The following RMI1 variants were observed in gnomAD, a reference collection of about 807,000 sequenced individuals.
RMI1 encodes RecQ mediated genome instability 1, also known as recQ-mediated genome instability protein 1.
Under a neutral mutation model 46.7 loss-of-function variants are expected in RMI1, and 36 were observed. The observed-to-expected ratio is 0.77, with a 90% CI of 0.59 to 1.02. RMI1 has a LOEUF of 1.02. Ranked by LOEUF, RMI1 falls within the 50% of genes least tolerant of loss-of-function variation. The pLI is 0.00. For missense variants in RMI1, 676 were observed against 713.7 expected (o/e 0.95, Z 0.60); for synonymous variants, 250 against 252.9 (o/e 0.99, Z 0.11).
At chr9:83,997,172 C>T (rs1001450764) in intron 1 of RMI1, among the ~76,000 whole-genome samples, 38 of 130,828 alleles carry the variant, frequency 2.9e-4, no homozygotes, top group South Asian at 7.8e-4. Context: ...AGTGCAATGG[C>T]GCAACCTCAG....
chr9:83,997,036 A>AT (rs1031398011), intron 1 of RMI1, among the ~76,000 whole-genome samples: 2 of 144,434 alleles, frequency 1.4e-5, no homozygotes, highest in Non-Finnish European at 3.0e-5. Context: ...ATAGAGGTGG[A>AT]TTCCCCCCCC....
chr9:83,987,766 T>C (rs140992297), intron 1 of RMI1, among the ~76,000 whole-genome samples: 235 of 152,392 alleles, frequency 1.5e-3, no homozygotes, highest in African/African-American at 5.2e-3. Context: ...CTTACCATAC[T>C]GAATTTGACA....
In RMI1 at chr9:84,002,026, G is replaced by A. The variant is rs748426652; in HGVS notation, c.1040G>A (p.Arg347Gln). The A allele has an allele frequency of 1.2e-5, 19 of 1,613,902 alleles. No individual in the cohort carries two copies. In the East Asian group the frequency reaches 3.8e-4, roughly 32 times the overall value. Residue 347 changes from arginine to glutamine, a missense_variant, in exon 3 of 3, where the codon CGA becomes CAA. Arg to Gln is a conservative substitution (Grantham distance 43, BLOSUM62 1). Coordinates refer to ENST00000445877, the MANE Select transcript of RMI1 (RefSeq NM_001358291.2). ...TTGACTTTTAACAGAAATGCCGATC[G>A]AAGTATAGAGAGATTTTCACATAAT... Reference protein sequence around the residue: ...QPLTFNRNADRSIERFSHNPN... With the variant: ...QPLTFNRNADQSIERFSHNPN...
rs1162979731 is a variant in RMI1, at chr9:84,001,003, T to C, written c.17T>C (p.Ile6Thr). The C allele has an allele frequency of 1.2e-6, 2 of 1,607,320 alleles. No homozygotes were observed. Among genetic ancestry groups the C allele is most frequent in the South Asian group, 2.2e-5 (2 of 90,460 alleles). ...TTAAAAGAAATGAATGTGACTAGTA[T>C]TGCATTAAGAGCTGAAACTTGGCTT... MNVTS[I>T]ALRAETWLLA... The change falls in exon 3 of 3, where the codon ATT (isoleucine) becomes ACT (threonine). Residue 6 changes from isoleucine (I) to threonine (T), a missense_variant. Transcript: ENST00000445877.
At chr9:83,989,384 C>G (rs777585219) in intron 1 of RMI1, among the ~76,000 whole-genome samples, 1 of 152,140 alleles carries the variant, frequency 6.6e-6, no homozygotes, top group African/African-American at 2.4e-5. Flanking sequence ...AAATAACCAA[C>G]AGAGTAAAGA....
At chr9:83,992,037 A>G (rs940128953) in intron 1 of RMI1, among the ~76,000 whole-genome samples, 1 of 152,208 alleles carries the variant, frequency 6.6e-6, no homozygotes, top group African/African-American at 2.4e-5. Flanking sequence ...GGGGATTTGA[A>G]TGGAATTGCA....
intron 1 of RMI1, among the ~76,000 whole-genome samples, chr9:83,997,980 A>T (rs2133125372): frequency 6.6e-6 from 1 of 151,920 alleles, no homozygotes; most frequent in African/African-American, 2.4e-5. Flanking sequence ...AAAAAAATTT[A>T]AAGATGGGAT....
intron 1 of RMI1, among the ~76,000 whole-genome samples, chr9:83,989,667 CAAAA>C (rs34101686): frequency 6.5e-4 from 93 of 142,048 alleles, no homozygotes; most frequent in African/African-American, 2.4e-3. Flanking sequence ...ATCAAAAAGA[CAAAA>C]AAAAAAATAA....
intron 1 of RMI1, among the ~76,000 whole-genome samples, chr9:83,998,264 A>G (rs550310865): frequency 6.6e-6 from 1 of 152,338 alleles, no homozygotes; most frequent in South Asian, 2.1e-4. Context: ...TAGTTTAAAA[A>G]ATGTTTATAC....
intron 1 of RMI1, among the ~76,000 whole-genome samples, chr9:83,993,448 C>T (rs563878431): frequency 1.5e-4 from 23 of 152,268 alleles, no homozygotes; most frequent in Non-Finnish European, 2.6e-4. Flanking sequence ...CTGCAACAAA[C>T]GTGGATTGTG....
chr9:83,996,722 A>G (rs1957659180), intron 1 of RMI1, among the ~76,000 whole-genome samples: 1 of 152,134 alleles, frequency 6.6e-6, no homozygotes, highest in Admixed American at 6.5e-5. Flanking sequence ...TAATTTATAA[A>G]GAAAAGAGGT....
intron 1 of RMI1, among the ~76,000 whole-genome samples, chr9:83,984,606 G>C (rs1355530031): frequency 7.2e-6 from 1 of 138,054 alleles, no homozygotes; most frequent in East Asian, 2.2e-4. Flanking sequence ...TTGTTGCCCA[G>C]GCTGTAGTGC....
At chr9:83,987,534 T>TG (rs1473044502) in intron 1 of RMI1, among the ~76,000 whole-genome samples, 2 of 152,220 alleles carry the variant, frequency 1.3e-5, no homozygotes, top group African/African-American at 2.4e-5. Context: ...TCATATTTTT[T>TG]GGAGTATAGT....
At chr9:83,981,112 C>T (rs1195605392) in intron 1 of RMI1, 4 of 152,270 alleles carry the variant, frequency 2.6e-5, no homozygotes, top group East Asian at 3.9e-4. Flanking sequence ...GGGGGCGCAG[C>T]TGGCGGTTCT....
chr9:83,990,197 A>G (rs1957548989), intron 1 of RMI1, among the ~76,000 whole-genome samples: 1 of 152,148 alleles, frequency 6.6e-6, no homozygotes, highest in Non-Finnish European at 1.5e-5. Context: ...AAAGGGTAGG[A>G]AGACAGATTG....
At chr9:83,985,620 A>G (rs1430442887) in intron 1 of RMI1, among the ~76,000 whole-genome samples, 1 of 152,198 alleles carries the variant, frequency 6.6e-6, no homozygotes, top group African/African-American at 2.4e-5. Context: ...TGACACATTT[A>G]ATGGAACAGT....
Position 83,997,047 on chromosome 9 carries a change from CT to C in RMI1, c.-125-2652del, listed in dbSNP as rs929111971. Among the ~76,000 whole-genome samples the C allele has an allele frequency of 3.3e-3, 449 of 137,040 alleles. 2 individuals are homozygous for C. Among genetic ancestry groups the C allele is most frequent in the South Asian group, 7.7e-3 (32 of 4,140 alleles). 89.9% of individuals were successfully genotyped at this position (137,040 alleles called of 152,430 possible). A position where few individuals can be genotyped will look rare whatever the true frequency, so the allele number is the denominator to read the frequency against. On this transcript the variant is annotated intron_variant, in intron 1 of 2. Coordinates refer to ENST00000445877, the MANE Select transcript of RMI1 (RefSeq NM_001358291.2). ...AAAGATAGAGGTGGATTCCCCCCCC[CT>C]TTTTTTTTTGGCAGGGCTCTGGGTG...
Position 84,002,867 on chromosome 9 carries a change from A to T in RMI1, c.*3A>T. On this transcript the variant is annotated 3_prime_UTR_variant, in exon 3 of 3. Transcript: ENST00000445877. ...TAAAGAAGCGGTTAAATAAATAATT[A>T]AACTAAAATAGTATTAGGAACAATT... 4 of 1,434,330 alleles carry T rather than the reference A, an allele frequency of 2.8e-6. No individual in the cohort carries two copies. The South Asian group carries it at 5.2e-5, about 18-fold the overall frequency. The allele number at this position is 1,434,330 out of a possible 1,614,324, so 88.9% of individuals were successfully genotyped here.
In RMI1 at chr9:84,001,425, C is replaced by T. The variant is rs1297287779; in HGVS notation, c.439C>T (p.Gln147Ter). 15 of 1,614,090 alleles carry T rather than the reference C, an allele frequency of 9.3e-6. No individual in the cohort carries two copies. Among genetic ancestry groups the T allele is most frequent in the Non-Finnish European group, 1.2e-5 (14 of 1,180,002 alleles). ...LQLTDGIVQI[Q>*]GMEYQPIPIL... ...GCTAACTGATGGAATCGTACAAATACAGGGAATGGAATATCAGCCTATTCC... is the reference window on the plus strand; with the variant it reads ...GCTAACTGATGGAATCGTACAAATATAGGGAATGGAATATCAGCCTATTCC... The change falls in exon 3 of 3, where the codon CAG (glutamine) becomes TAG (stop). Residue 147 changes from glutamine (Q) to a stop codon, truncating the protein, a stop_gained. Coordinates refer to ENST00000445877, the MANE Select transcript of RMI1 (RefSeq NM_001358291.2). LOFTEE classifies it high-confidence loss of function.
Sources: gnomAD v4.1 joint callset for allele counts (sites outside exome capture counted in the v4.1 genomes callset) on GRCh38, gnomAD v4.1.1 for gene constraint, MANE v1.5 for transcripts, NCBI Gene and HGNC (gene_info 2026-07-23, HGNC 2026-07-21) for gene names.